GLMN: variants seen among roughly 807,000 people sequenced by gnomAD.
The protein encoded by GLMN is glomulin, FKBP associated protein.
GLMN carries 75 observed loss-of-function variants against 87.8 expected under a neutral mutation model. The observed-to-expected ratio is 0.85, with a 90% CI of 0.71 to 1.04. GLMN has a LOEUF of 1.04. Ranked by LOEUF, GLMN falls within the 50% of genes least tolerant of loss-of-function variation. The probability of loss-of-function intolerance (pLI) is 0.00; values close to 1 mark genes in which losing one functional copy is unlikely to be tolerated. For synonymous variants in GLMN, 206 were observed against 221.6 expected (o/e 0.93, Z 0.63); for missense variants, 588 against 658.8 (o/e 0.89, Z 1.18).
Position 92,297,394 on chromosome 1 carries a change from T to C in GLMN, c.165+10A>G, listed in dbSNP as rs201467961. ...CAAGACTGAAAAGTAAACACCAAGA[T>C]TGTACGCACCTTATTCTTTTCATTT... On this transcript the variant is annotated intron_variant, in intron 3 of 18. Transcript: ENST00000370360. 3.3e-3 allele frequency: 5,330 copies of C among 1,610,148 alleles called. 29 individuals carry two copies. Among genetic ancestry groups the C allele is most frequent in the Middle Eastern group, 0.011 (56 of 5,190 alleles).
chr1:92,367,966 A>G, the GLMN span, among the ~76,000 whole-genome samples: 3 of 152,208 alleles, frequency 2.0e-5, no homozygotes, highest in South Asian at 4.1e-4. Flanking sequence ...TATCTGTGCT[A>G]TATCATTTTA....
At chr1:92,368,403 G>A in the GLMN span, among the ~76,000 whole-genome samples, 3 of 152,040 alleles carry the variant, frequency 2.0e-5, no homozygotes, top group Non-Finnish European at 4.4e-5. Context: ...ATCCAAGTTC[G>A]TTACTGACTT....
chr1:92,344,356 G>C, the GLMN span, among the ~76,000 whole-genome samples: 4 of 152,262 alleles, frequency 2.6e-5, 1 homozygote, highest in South Asian at 8.3e-4. Context: ...AGTGAGCTGA[G>C]AGCATGCCAC....
the GLMN span, among the ~76,000 whole-genome samples, chr1:92,311,095 G>A: frequency 6.6e-6 from 1 of 152,090 alleles, no homozygotes; most frequent in African/African-American, 2.4e-5. Context: ...TAAAATGCTG[G>A]CAGCAACCTA....
chr1:92,271,682 GCA>G, intron 7 of GLMN, 30 bp from the exon 8 acceptor site: 1 of 1,478,528 alleles, frequency 6.8e-7, no homozygotes, highest in African/African-American at 1.4e-5. Context: ...GGAAACCATA[GCA>G]CACAGACTCT....
chr1:92,265,018 T>C (rs1655453614), intron 13 of GLMN, among the ~76,000 whole-genome samples: 1 of 152,084 alleles, frequency 6.6e-6, no homozygotes, highest in Non-Finnish European at 1.5e-5. Context: ...ATTTTTTGTA[T>C]TTGTAGTAGA....
chr1:92,248,341 C>T (rs1464172483), intron 16 of GLMN: 1 of 196,846 alleles, frequency 5.1e-6, no homozygotes, highest in Non-Finnish European at 1.0e-5. Context: ...GCCTTCATCC[C>T]AAGTATGGCC....
At chr1:92,369,535 C>A in the GLMN span, among the ~76,000 whole-genome samples, 1 of 152,076 alleles carries the variant, frequency 6.6e-6, no homozygotes, top group Non-Finnish European at 1.5e-5. Flanking sequence ...AAGTTCCAGG[C>A]CTCAAACAGT....
At chr1:92,279,755 T>C (rs987048846) in intron 7 of GLMN, among the ~76,000 whole-genome samples, 1 of 152,202 alleles carries the variant, frequency 6.6e-6, no homozygotes, top group African/African-American at 2.4e-5. Context: ...CCTGACCAAA[T>C]ACTGTGCTAT....
At chr1:92,323,073 A>C in the GLMN span, among the ~76,000 whole-genome samples, 72 of 145,640 alleles carry the variant, frequency 4.9e-4, no homozygotes, top group African/African-American at 1.5e-3. Flanking sequence ...TTATATATAT[A>C]TTTATATATA....
the GLMN span, among the ~76,000 whole-genome samples, chr1:92,336,992 C>T: frequency 1.3e-5 from 2 of 152,062 alleles, no homozygotes. Flanking sequence ...GATAAAAATA[C>T]TCACTCAGGC....
At chr1:92,267,085 T>TA (rs1369669918) in intron 11 of GLMN, among the ~76,000 whole-genome samples, 1 of 152,200 alleles carries the variant, frequency 6.6e-6, no homozygotes, top group Non-Finnish European at 1.5e-5. Flanking sequence ...GTTTTTCTAT[T>TA]TAAATATTAG....
chr1:92,323,469 G>C, the GLMN span: 2 of 1,607,758 alleles, frequency 1.2e-6, no homozygotes, highest in South Asian at 2.2e-5. Context: ...AAGAAGTACA[G>C]TTATGCAGTA....
intron 12 of GLMN, 101 bp from the exon 13 acceptor site, chr1:92,266,593 C>G (rs754711361): frequency 9.3e-7 from 1 of 1,072,124 alleles, no homozygotes; most frequent in South Asian, 1.4e-5. Flanking sequence ...ACTTGTACCT[C>G]CTAAATAAAA....
intron 9 of GLMN, among the ~76,000 whole-genome samples, chr1:92,268,939 G>A (rs3122327): frequency 0.49 from 69,885 of 143,404 alleles, 17,660 homozygotes; most frequent in East Asian, 0.96. Context: ...TTTCTTTTGC[G>A]ACAGGGTCTT....
chr1:92,248,284 G>A (rs996216241), intron 16 of GLMN: 11 of 279,834 alleles, frequency 3.9e-5, no homozygotes, highest in African/African-American at 1.8e-4. Flanking sequence ...ATTCACAGAC[G>A]TCTCTTCCTC....
the GLMN span, among the ~76,000 whole-genome samples, chr1:92,315,713 C>G: frequency 6.6e-6 from 1 of 152,098 alleles, no homozygotes; most frequent in Non-Finnish European, 1.5e-5. Flanking sequence ...TAAATTCTAC[C>G]TCCATACTTT....
At chr1:92,306,162 T>A in the GLMN span, among the ~76,000 whole-genome samples, 1 of 152,100 alleles carries the variant, frequency 6.6e-6, no homozygotes, top group Non-Finnish European at 1.5e-5. Context: ...TTATATGAGG[T>A]ACCTAGAGAA....
the GLMN span, among the ~76,000 whole-genome samples, chr1:92,339,388 G>A: frequency 6.7e-6 from 1 of 149,662 alleles, no homozygotes; most frequent in East Asian, 2.0e-4. Context: ...GCATTCAAGG[G>A]ACAGGATTTT....
Sources: allele counts gnomAD v4.1 joint callset (sites outside exome capture counted in the v4.1 genomes callset), GRCh38; gene constraint gnomAD v4.1.1; transcripts MANE v1.5; gene names NCBI Gene and HGNC (gene_info 2026-07-23, HGNC 2026-07-21).